Variants in ADCY7 observed in about 807,000 individuals in gnomAD.
ADCY7 encodes the protein adenylate cyclase type 7.
A neutral mutation model predicts 120.6 loss-of-function variants in ADCY7; 72 were observed. That is an observed-to-expected ratio of 0.60 (90% CI 0.49 to 0.73). The LOEUF is 0.73. Ranked by LOEUF, ADCY7 falls within the 30% of genes least tolerant of loss-of-function variation. The probability of loss-of-function intolerance (pLI) is 0.00; values close to 1 mark genes in which losing one functional copy is unlikely to be tolerated. For missense variants in ADCY7, 1,227 were observed against 1,486.0 expected (o/e 0.83, Z 2.87); for synonymous variants, 661 against 628.0 (o/e 1.05, Z -0.78).
At position 50,291,843 on chromosome 16, in the gene ADCY7, G is replaced by T. The variant is rs2034994525; in HGVS notation, c.483G>T (p.Val161=). The change falls in exon 4 of 26, where the codon GTG becomes GTT. Residue 161 remains valine (V), a synonymous_variant. Transcript: ENST00000673801. The part of the protein sequence containing the change: ...GAVSTASHLL[V]LGSLMGGFTT... ...TCTCCACTGCCTCCCACCTCCTGGTGCTCGGTTCTTTGATGGGAGGCTTCA... is the reference window on the plus strand; with the variant it reads ...TCTCCACTGCCTCCCACCTCCTGGTTCTCGGTTCTTTGATGGGAGGCTTCA... 1.2e-6 allele frequency: 2 copies of T among 1,614,028 alleles called. No homozygotes were observed. The highest frequency in any genetic ancestry group is 1.7e-6 in the Non-Finnish European group (2 of 1,179,926).
At chr16:50,282,147 C>A (rs116089813) in intron 1 of ADCY7, among the ~76,000 whole-genome samples, 1 of 152,180 alleles carries the variant, frequency 6.6e-6, no homozygotes, top group Non-Finnish European at 1.5e-5. Context: ...GAGGCTCGGC[C>A]GGAGGAAGCC....
At chr16:50,313,726 G>A in intron 22 of ADCY7, 2 of 547,692 alleles carry the variant, frequency 3.7e-6, no homozygotes, top group South Asian at 2.6e-5. Flanking sequence ...GACACAGATG[G>A]AAGGGAAGAG....
At chr16:50,313,911 G>T in intron 22 of ADCY7, 47 bp from the exon 23 acceptor site, 1 of 1,529,244 alleles carries the variant, frequency 6.5e-7, no homozygotes, top group Non-Finnish European at 9.0e-7. Context: ...CAGCCTGGCT[G>T]CGGCTATGGA....
intron 17 of ADCY7, 40 bp from the exon 18 acceptor site, chr16:50,309,508 T>C: frequency 6.4e-7 from 1 of 1,568,642 alleles, no homozygotes; most frequent in Non-Finnish European, 8.8e-7. Flanking sequence ...GGTTCCAGCG[T>C]TCTTGTCCCT....
chr16:50,285,054 T>A (rs1002868177), intron 1 of ADCY7, among the ~76,000 whole-genome samples: 3 of 152,254 alleles, frequency 2.0e-5, no homozygotes, highest in Non-Finnish European at 4.4e-5. Context: ...ACACAGTAAA[T>A]GCCTCTTGTG....
chr16:50,251,015 G>A (rs2032741928), intron 1 of ADCY7, among the ~76,000 whole-genome samples: 1 of 152,012 alleles, frequency 6.6e-6, no homozygotes. Context: ...TAGGAGGAAC[G>A]CTTTAGGCCA....
At chr16:50,267,453 G>A (rs1382988340) in intron 1 of ADCY7, among the ~76,000 whole-genome samples, 1 of 152,250 alleles carries the variant, frequency 6.6e-6, no homozygotes, top group African/African-American at 2.4e-5. Context: ...CCAAGGGCCT[G>A]GAGGTAGGGG....
At position 50,288,019 on chromosome 16, in the gene ADCY7, A is replaced by G. The variant is rs2034689745; in HGVS notation, c.-161A>G. 3.9e-6 allele frequency: 3 copies of G among 764,892 alleles called. No individual in the cohort carries two copies. The highest frequency in any genetic ancestry group is 2.0e-5 in the South Asian group (1 of 49,442). 47.4% of individuals were successfully genotyped at this position (764,892 alleles called of 1,614,324 possible). On this transcript the variant is annotated 5_prime_UTR_variant, in exon 2 of 26. An upstream start codon of the reference 5' UTR is lost. Transcript: ENST00000673801. ...GAGCTGTGCGGACCCCTTGTTGGCCATGGAGCAGCAGGCCCAGAGGCCCTC... is the reference window on the plus strand; with the variant it reads ...GAGCTGTGCGGACCCCTTGTTGGCCGTGGAGCAGCAGGCCCAGAGGCCCTC...
intron 10 of ADCY7, among the ~76,000 whole-genome samples, chr16:50,303,530 T>C (rs1324827099): frequency 2.0e-5 from 3 of 152,162 alleles, no homozygotes; most frequent in Non-Finnish European, 2.9e-5. Flanking sequence ...CTTGTGGGTC[T>C]TTCTCTTCCC....
At chr16:50,309,756 T>C (rs969695654) in intron 18 of ADCY7, 110 bp downstream of exon 18, 14 of 957,354 alleles carry the variant, frequency 1.5e-5, no homozygotes, top group Non-Finnish European at 2.0e-5. Flanking sequence ...GAGCACAGCA[T>C]GTGGAGGCTG....
In ADCY7 at chr16:50,270,215, ATAGATAG is replaced by A. The variant is rs1345391416; in HGVS notation, c.-269+3536_-269+3542del. Among the ~76,000 whole-genome samples the A allele has an allele frequency of 2.4e-3, 372 of 152,238 alleles. 1 individual carries two copies. The highest frequency in any genetic ancestry group is 8.5e-3 in the African/African-American group (353 of 41,516). On this transcript the variant is annotated intron_variant, in intron 1 of 25. Transcript: ENST00000673801. Reference sequence around the variant, plus strand: ...GATAGATAGATAGATAGATAGATAGATAGATAGATAGATAAACAGATAGATAGACACA... The same window carrying A: ...GATAGATAGATAGATAGATAGATAGAATAGATAAACAGATAGATAGACACA...
At chr16:50,282,791 GCCTTGA>G (rs1238064339) in intron 1 of ADCY7, among the ~76,000 whole-genome samples, 1 of 151,618 alleles carries the variant, frequency 6.6e-6, no homozygotes, top group African/African-American at 2.4e-5. Context: ...AGTGAATGTA[GCCTTGA>G]CCTCCTGGGT....
At chr16:50,251,448 C>T (rs181160066) in intron 1 of ADCY7, among the ~76,000 whole-genome samples, 2 of 152,318 alleles carry the variant, frequency 1.3e-5, no homozygotes, top group African/African-American at 4.8e-5. Flanking sequence ...CCTTGTTTCT[C>T]CACTTTACAG....
At chr16:50,305,443 T>C (rs974214231) in intron 12 of ADCY7, 60 bp from the exon 13 acceptor site, 1 of 1,477,156 alleles carries the variant, frequency 6.8e-7, no homozygotes, top group Non-Finnish European at 9.4e-7. Flanking sequence ...GTCCACACCC[T>C]CCTCTGGGAG....
intron 1 of ADCY7, among the ~76,000 whole-genome samples, chr16:50,259,573 C>T (rs1429904845): frequency 1.3e-5 from 2 of 152,194 alleles, no homozygotes; most frequent in East Asian, 3.8e-4. Flanking sequence ...AGATCGGGGC[C>T]CTGGGGATCA....
intron 20 of ADCY7, 96 bp downstream of exon 20, chr16:50,311,882 T>TA: frequency 7.1e-7 from 1 of 1,415,622 alleles, no homozygotes; most frequent in Non-Finnish European, 9.7e-7. Flanking sequence ...TCAGGTGGAG[T>TA]AGCAGAAAAG....
In ADCY7 at chr16:50,290,296, CAA is replaced by C. The variant is rs148539860; in HGVS notation, c.172-159_172-158del. On this transcript the variant is annotated intron_variant, in intron 2 of 25. Coordinates refer to ENST00000673801, the MANE Select transcript of ADCY7 (RefSeq NM_001114.5). ...GTTGAGGCAGCCTTGGCAGAGGTGACAAAGGCCAGAAGGTGAGTGGGAACCAG... is the reference window on the plus strand; with the variant it reads ...GTTGAGGCAGCCTTGGCAGAGGTGACAGGCCAGAAGGTGAGTGGGAACCAG... Among the ~76,000 whole-genome samples, 4 of 152,258 alleles carry C rather than the reference CAA, an allele frequency of 2.6e-5. No homozygotes were observed. In the East Asian group the frequency reaches 7.7e-4, roughly 29 times the overall value.
chr16:50,305,437 A>G lies in ADCY7; in HGVS notation c.1596-66A>G, dbSNP rs1031628467. 33 of 1,449,330 alleles carry G rather than the reference A, an allele frequency of 2.3e-5. No homozygotes were observed. In the East Asian group the frequency reaches 7.3e-4, roughly 32 times the overall value. The allele number at this position is 1,449,330 out of a possible 1,614,324, so 89.8% of individuals were successfully genotyped here. Reference sequence around the variant, plus strand: ...TGGGACCCCACTGGTGTCTACGTCCACACCCTCCTCTGGGAGAGTTGGAGG... The same window carrying G: ...TGGGACCCCACTGGTGTCTACGTCCGCACCCTCCTCTGGGAGAGTTGGAGG... On this transcript the variant is annotated intron_variant, in intron 12 of 25. Coordinates refer to ENST00000673801, the MANE Select transcript of ADCY7 (RefSeq NM_001114.5).
intron 22 of ADCY7, 52 bp from the exon 23 acceptor site, chr16:50,313,906 T>A: frequency 6.7e-7 from 1 of 1,502,032 alleles, no homozygotes; most frequent in Middle Eastern, 1.8e-4. Context: ...AGGGGCAGCC[T>A]GGCTGCGGCT....
Sources: allele counts gnomAD v4.1 joint callset (sites outside exome capture counted in the v4.1 genomes callset), GRCh38; gene constraint gnomAD v4.1.1; transcripts MANE v1.5; gene names NCBI Gene and HGNC (gene_info 2026-07-23, HGNC 2026-07-21).